TPO: variants seen among roughly 807,000 people sequenced by gnomAD.
The protein encoded by TPO is thyroid peroxidase.
Under a neutral mutation model 96.9 loss-of-function variants are expected in TPO, and 78 were observed. The ratio of observed to expected loss-of-function variants is 0.81; its 90% CI spans 0.67 to 0.97. The LOEUF is 0.97. Ranked by LOEUF, TPO falls within the 50% of genes least tolerant of loss-of-function variation. TPO has a pLI of 0.00. For missense variants in TPO, 1,252 were observed against 1,274.8 expected, an observed-to-expected ratio of 0.98 and a Z score of 0.27; for synonymous variants, 547 against 538.0, an observed-to-expected ratio of 1.02 and a Z score of -0.23.
intron 13 of TPO, among the ~76,000 whole-genome samples, chr2:1,501,430 T>G (rs561484287): frequency 1.3e-5 from 2 of 152,334 alleles, no homozygotes; most frequent in Admixed American, 6.5e-5. Flanking sequence ...CCCTCCTTCC[T>G]GTCCATCCTG....
chr2:1,456,132 TGAC>T lies in TPO; in HGVS notation c.670_672del (p.Asp224del), dbSNP rs772164623. 1.1e-5 allele frequency: 17 copies of T among 1,614,110 alleles called. No homozygotes were observed. The East Asian group carries it at 3.3e-4, about 32-fold the overall frequency. On this transcript the variant is annotated inframe_deletion, in exon 7 of 17. Coordinates refer to ENST00000329066, the MANE Select transcript of TPO (RefSeq NM_001206744.2). ...TTTCAAATGAGGTTGTCACAGATGATGACCGCTATTCTGACCTCCTGATGGCAT... is the reference window on the plus strand; with the variant it reads ...TTTCAAATGAGGTTGTCACAGATGATCGCTATTCTGACCTCCTGATGGCAT...
intron 3 of TPO, among the ~76,000 whole-genome samples, chr2:1,433,224 C>A (rs1665206409): frequency 6.6e-6 from 1 of 152,170 alleles, no homozygotes; most frequent in African/African-American, 2.4e-5. Context: ...TCATTCAATA[C>A]TGATGCATCA....
At chr2:1,435,876 G>A (rs934645327) in intron 4 of TPO, among the ~76,000 whole-genome samples, 7 of 152,106 alleles carry the variant, frequency 4.6e-5, no homozygotes, top group Non-Finnish European at 7.3e-5. Flanking sequence ...CCATTACTAG[G>A]CACACATGCC....
intron 2 of TPO, among the ~76,000 whole-genome samples, chr2:1,422,489 G>A (rs1281102287): frequency 6.8e-6 from 1 of 147,326 alleles, no homozygotes; most frequent in Non-Finnish European, 1.5e-5. Context: ...TTGATGCTAC[G>A]CAGGTGAATT....
intron 5 of TPO, among the ~76,000 whole-genome samples, chr2:1,445,154 T>C (rs1666648495): frequency 1.2e-5 from 1 of 81,756 alleles, no homozygotes; most frequent in Non-Finnish European, 2.5e-5. Flanking sequence ...GGAGGCACCA[T>C]GTTGGAAGGA....
intron 2 of TPO, among the ~76,000 whole-genome samples, chr2:1,419,619 C>T (rs1663302153): frequency 6.6e-6 from 1 of 152,212 alleles, no homozygotes. Context: ...TGTGGCAAAC[C>T]TCTGCAGCCC....
At chr2:1,540,021 T>C (rs1196553657) in intron 15 of TPO, among the ~76,000 whole-genome samples, 2 of 152,158 alleles carry the variant, frequency 1.3e-5, no homozygotes, top group Non-Finnish European at 2.9e-5. Context: ...AACTTGCTCT[T>C]CCCTCCTCAA....
At chr2:1,453,625 T>C (rs769912638) in intron 5 of TPO, 69 bp from the exon 6 acceptor site, 19 of 1,611,490 alleles carry the variant, frequency 1.2e-5, no homozygotes, top group Non-Finnish European at 1.4e-5. Context: ...TGGTGTCTTA[T>C]ATCTGGAACT....
chr2:1,433,694 A>G, intron 4 of TPO, 87 bp downstream of exon 4: 1 of 1,516,640 alleles, frequency 6.6e-7, no homozygotes, highest in Non-Finnish European at 9.0e-7. Flanking sequence ...TGCTCAGGGC[A>G]TGTTTTTTAC....
chr2:1,482,722 G>A (rs541262620), intron 8 of TPO, among the ~76,000 whole-genome samples: 26 of 152,290 alleles, frequency 1.7e-4, no homozygotes, highest in South Asian at 6.2e-4. Flanking sequence ...TCACCTAGGC[G>A]GAAGTGCGGT....
chr2:1,430,092 T>C (rs539843716), intron 3 of TPO, among the ~76,000 whole-genome samples: 1 of 152,280 alleles, frequency 6.6e-6, no homozygotes, highest in Admixed American at 6.5e-5. Flanking sequence ...GAAAGCATGG[T>C]ATAAGTCCTC....
intron 5 of TPO, 130 bp from the exon 6 acceptor site, chr2:1,453,564 G>A: frequency 7.0e-7 from 1 of 1,437,646 alleles, no homozygotes; most frequent in Non-Finnish European, 9.8e-7. Context: ...GTCTTCTGGG[G>A]AGCTGTGCCC....
chr2:1,519,173 A>G (rs1294579979), intron 15 of TPO, among the ~76,000 whole-genome samples: 1 of 152,234 alleles, frequency 6.6e-6, no homozygotes. Context: ...GCTCTAGGTC[A>G]TAAACTGCTG....
chr2:1,387,532 T>C (rs983715159), intron 1 of TPO, among the ~76,000 whole-genome samples: 3 of 152,240 alleles, frequency 2.0e-5, no homozygotes, highest in Non-Finnish European at 4.4e-5. Context: ...ATTCATCACA[T>C]AGTTCTTGTG....
At chr2:1,388,063 C>G (rs1436344218) in intron 1 of TPO, among the ~76,000 whole-genome samples, 2 of 152,222 alleles carry the variant, frequency 1.3e-5, no homozygotes, top group Admixed American at 1.3e-4. Context: ...CTGATCCTTC[C>G]TCTGGAGGTT....
intron 13 of TPO, among the ~76,000 whole-genome samples, chr2:1,501,149 C>T (rs756876914): frequency 7.9e-5 from 12 of 151,128 alleles, no homozygotes; most frequent in Non-Finnish European, 1.5e-4. Context: ...ATGGAAAATA[C>T]AGTTCGCAAC....
At chr2:1,487,554 G>GA (rs1671284998) in intron 9 of TPO, among the ~76,000 whole-genome samples, 1 of 152,238 alleles carries the variant, frequency 6.6e-6, no homozygotes. Context: ...CTAACACGGT[G>GA]AAACCCCATC....
intron 1 of TPO, among the ~76,000 whole-genome samples, chr2:1,401,089 C>T (rs1662165242): frequency 6.6e-6 from 1 of 152,200 alleles, no homozygotes; most frequent in South Asian, 2.1e-4. Flanking sequence ...CCTCCAGTCC[C>T]CTCCAGGAGA....
intron 15 of TPO, among the ~76,000 whole-genome samples, chr2:1,532,885 T>TTGCAACCTCCCAAAATCTCCCTATG (rs1678643983): frequency 3.5e-5 from 3 of 85,370 alleles, no homozygotes; most frequent in Non-Finnish European, 6.2e-5. Flanking sequence ...TACCCCCAGT[T>TTGCAACCTCCCAAAATCTCCCTATG]TGCAACCTCC....
Sources: allele counts gnomAD v4.1 joint callset (sites outside exome capture counted in the v4.1 genomes callset), GRCh38; gene constraint gnomAD v4.1.1; transcripts MANE v1.5; gene names NCBI Gene and HGNC (gene_info 2026-07-23, HGNC 2026-07-21).